The following MAPK8IP3 variants were observed in gnomAD, a reference collection of about 807,000 sequenced individuals.
MAPK8IP3 encodes the protein mitogen-activated protein kinase 8 interacting protein 3, also known as C-Jun-amino-terminal kinase-interacting protein 3.
A neutral mutation model predicts 157.8 loss-of-function variants in MAPK8IP3; 49 were observed. That is an observed-to-expected ratio of 0.31 (90% CI 0.25 to 0.39). MAPK8IP3 has a LOEUF of 0.39. MAPK8IP3 is among the 10% of genes least tolerant of loss of function. The pLI, the probability that MAPK8IP3 is intolerant of heterozygous loss-of-function variation, is 1.00. For synonymous variants in MAPK8IP3, 897 were observed against 777.7 expected (o/e 1.15, Z -2.55); for missense variants, 1,478 against 1,889.4 (o/e 0.78, Z 4.04).
intron 2 of MAPK8IP3, among the ~76,000 whole-genome samples, chr16:1,726,199 T>C (rs2038868194): frequency 6.6e-6 from 1 of 152,212 alleles, no homozygotes; most frequent in African/African-American, 2.4e-5. Flanking sequence ...CGGTGGCAGC[T>C]TCCACACACA....
At chr16:1,749,042 CTG>C (rs891751312) in intron 8 of MAPK8IP3, 39 of 411,710 alleles carry the variant, frequency 9.5e-5, no homozygotes, top group African/African-American at 7.4e-4. Context: ...TGCTGTTATG[CTG>C]TGTCGTTTAG....
At chr16:1,736,811 ACCG>A (rs2039927000) in intron 4 of MAPK8IP3, among the ~76,000 whole-genome samples, 1 of 50,616 alleles carries the variant, frequency 2.0e-5, no homozygotes, top group Non-Finnish European at 3.4e-5. Flanking sequence ...TGAGCGTGTG[ACCG>A]TCCGTGTGAG....
chr16:1,758,070 T>C (rs1048184333), intron 8 of MAPK8IP3, 78 bp from the exon 9 acceptor site: 2 of 1,413,612 alleles, frequency 1.4e-6, no homozygotes, highest in Non-Finnish European at 2.0e-6. Flanking sequence ...GTAATAAGAA[T>C]GTATTGTTAG....
In MAPK8IP3 at chr16:1,767,806, C is replaced by T. The variant is rs1348127383; in HGVS notation, c.3411C>T (p.Gly1137=). Residue 1137 remains glycine (G), a splice_region_variant and synonymous_variant, in exon 28 of 32, where the codon GGC becomes GGT. Transcript: ENST00000610761. ...DIEPYVSKML[G]TGKLGFSFVR... ...CACCCTGACCGCTCTCCCCCACAGG[C>T]ACTGGCAAGCTGGGTTTCTCCTTCG... 3 of 1,611,470 alleles carry T rather than the reference C, an allele frequency of 1.9e-6. No individual in the cohort carries two copies. The highest frequency in any genetic ancestry group is 1.7e-6 in the Non-Finnish European group (2 of 1,179,924).
At chr16:1,716,901 TA>T (rs988335023) in intron 1 of MAPK8IP3, among the ~76,000 whole-genome samples, 1 of 151,056 alleles carries the variant, frequency 6.6e-6, no homozygotes. Context: ...TTACTAAAAA[TA>T]AAAAAAATTA....
intron 5 of MAPK8IP3, chr16:1,744,336 C>CCAGAAGCTTACTTCTCT: frequency 4.1e-6 from 4 of 986,004 alleles, no homozygotes; most frequent in Non-Finnish European, 4.8e-6. Context: ...TGGGACTTCT[C>CCAGAAGCTTACTTCTCT]CAGAAGCTTA....
At position 1,767,293 on chromosome 16, in the gene MAPK8IP3, T is replaced by C; in HGVS notation, c.3233T>C (p.Ile1078Thr). Residue 1078 changes from isoleucine to threonine, a missense_variant, in exon 26 of 32, where the codon ATA becomes ACA. Physicochemically the swap from Ile to Thr is moderately conservative, Grantham distance 89. Coordinates refer to ENST00000610761, the MANE Select transcript of MAPK8IP3 (RefSeq NM_001318852.2). ...VHVIQPKTMQ[I>T]EKSFDAHPRR... Reference sequence around the variant, plus strand: ...GTCATCCAGCCCAAGACCATGCAGATAGAGGCGAGTGCCGGCCAGGGCCCC... The same window carrying C: ...GTCATCCAGCCCAAGACCATGCAGACAGAGGCGAGTGCCGGCCAGGGCCCC... 2 of 1,613,046 alleles carry C rather than the reference T, an allele frequency of 1.2e-6. No individual in the cohort carries two copies. Among genetic ancestry groups the C allele is most frequent in the Non-Finnish European group, 8.5e-7 (1 of 1,179,936 alleles).
Position 1,710,609 on chromosome 16 carries a change from T to G in MAPK8IP3, c.318+3952T>G, listed in dbSNP as rs890972930. Reference sequence around the variant, plus strand: ...GATCAGTCTGCCATTTTTCCTTCTTTTTTTCTCCTCTGCGCCAGACGATCT... The same window carrying G: ...GATCAGTCTGCCATTTTTCCTTCTTGTTTTCTCCTCTGCGCCAGACGATCT... On this transcript the variant is annotated intron_variant, in intron 1 of 31. Transcript: ENST00000610761. The surrounding 1 kb of genome is among the most constrained non-coding windows in gnomAD (Gnocchi z 4.1). 2.6e-5 allele frequency among the ~76,000 whole-genome samples: 4 copies of G among 152,338 alleles called. No homozygotes were observed. The highest frequency in any genetic ancestry group is 3.4e-3 in the Middle Eastern group (1 of 294).
rs2040728830 is a variant in MAPK8IP3 at position 1,742,286 on chromosome 16, A to T, written c.603-1046A>T. Among the ~76,000 whole-genome samples the T allele has an allele frequency of 6.6e-6, 1 of 152,082 alleles. No homozygotes were observed. Among genetic ancestry groups the T allele is most frequent in the South Asian group, 2.1e-4 (1 of 4,834 alleles). On this transcript the variant is annotated intron_variant, in intron 4 of 31. Transcript: ENST00000610761. The surrounding 1 kb of genome is among the most constrained non-coding windows in gnomAD (Gnocchi z 5.0). ...TTGGGCTCCATCCCTGCTCTTGCTT[A>T]TGGCCCACAGGAGGTCATCCCTAGG... is the stretch of plus-strand genomic sequence containing the variant.
At chr16:1,767,760 G>T in intron 27 of MAPK8IP3, 25 bp downstream of exon 27, 1 of 1,612,024 alleles carries the variant, frequency 6.2e-7, no homozygotes, top group Non-Finnish European at 8.5e-7. Flanking sequence ...CAGATGGGGT[G>T]GTGGGGTGCT....
intron 2 of MAPK8IP3, among the ~76,000 whole-genome samples, chr16:1,725,395 A>G (rs2038810433): frequency 6.6e-6 from 1 of 151,130 alleles, no homozygotes; most frequent in Non-Finnish European, 1.5e-5. Context: ...TGGGAGGCCA[A>G]GGCGGGTGGA....
intron 1 of MAPK8IP3, among the ~76,000 whole-genome samples, chr16:1,713,177 A>G (rs1178253708): frequency 6.6e-6 from 1 of 152,216 alleles, no homozygotes; most frequent in Non-Finnish European, 1.5e-5. Flanking sequence ...TGTCCACTTC[A>G]GTAGCTGCTG....
intron 8 of MAPK8IP3, among the ~76,000 whole-genome samples, chr16:1,756,632 ACACACACAC>A: frequency 1.0e-5 from 1 of 97,818 alleles, no homozygotes; most frequent in Admixed American, 9.3e-5. Context: ...AAACACACAC[ACACACACAC>A]ACACACACAC....
chr16:1,712,226 T>TA (rs2037837072), intron 1 of MAPK8IP3, among the ~76,000 whole-genome samples: 2 of 151,622 alleles, frequency 1.3e-5, no homozygotes, highest in South Asian at 4.2e-4. Context: ...CACGCCCGGC[T>TA]AATTTTTTGT....
intron 8 of MAPK8IP3, 133 bp from the exon 9 acceptor site, chr16:1,758,015 C>T: frequency 2.2e-6 from 2 of 892,042 alleles, no homozygotes; most frequent in Non-Finnish European, 3.6e-6. Flanking sequence ...CCCTCTCTCT[C>T]CTGCCCTGCA....
intron 4 of MAPK8IP3, among the ~76,000 whole-genome samples, chr16:1,738,930 CCG>C (rs1275663863): frequency 8.1e-6 from 1 of 123,542 alleles, no homozygotes; most frequent in African/African-American, 3.3e-5. Context: ...GTGTGAGCGT[CCG>C]TGTGAGAGTG....
chr16:1,720,553 G>A (rs889723019), intron 1 of MAPK8IP3, among the ~76,000 whole-genome samples: 1 of 152,140 alleles, frequency 6.6e-6, no homozygotes, highest in South Asian at 2.1e-4. Context: ...TCGTACATCT[G>A]CTCTACACAC....
chr16:1,726,992 G>A (rs1160394662), intron 2 of MAPK8IP3, among the ~76,000 whole-genome samples: 1 of 152,146 alleles, frequency 6.6e-6, no homozygotes, highest in Non-Finnish European at 1.5e-5. Context: ...TGTGTGCTGT[G>A]TGCAGCGTCT....
chr16:1,762,804 GCCCA>G, intron 15 of MAPK8IP3, 28 bp from the exon 16 acceptor site: 1 of 1,606,292 alleles, frequency 6.2e-7, no homozygotes, highest in South Asian at 1.1e-5. Context: ...CTGGTCCTCT[GCCCA>G]CCCCTCACCT....
Sources: allele counts gnomAD v4.1 joint callset (sites outside exome capture counted in the v4.1 genomes callset), GRCh38; gene constraint gnomAD v4.1.1; non-coding constraint Gnocchi (gnomAD v3.1); transcripts MANE v1.5; gene names NCBI Gene and HGNC (gene_info 2026-07-23, HGNC 2026-07-21).